Variants in IPO11 observed in about 807,000 individuals in gnomAD.
The protein encoded by IPO11 is importin-11.
Under a neutral mutation model 143.2 loss-of-function variants are expected in IPO11, and 66 were observed. That is an observed-to-expected ratio of 0.46 (90% CI 0.38 to 0.57). IPO11 has a LOEUF of 0.57. Ranked by LOEUF, IPO11 falls within the 20% of genes least tolerant of loss-of-function variation. The probability of loss-of-function intolerance (pLI) is 0.00; values close to 1 mark genes in which losing one functional copy is unlikely to be tolerated. For synonymous variants in IPO11, 385 were observed against 377.8 expected (o/e 1.02, Z -0.22); for missense variants, 1,026 against 1,141.0 (o/e 0.90, Z 1.45).
At chr5:62,511,532 A>G (rs1417790095) in intron 19 of IPO11, among the ~76,000 whole-genome samples, 2 of 152,180 alleles carry the variant, frequency 1.3e-5, no homozygotes, top group African/African-American at 4.8e-5. Flanking sequence ...TATTTGTGCA[A>G]ATATTTAACT....
intron 27 of IPO11, among the ~76,000 whole-genome samples, chr5:62,564,880 A>G (rs576161969): frequency 6.6e-6 from 1 of 152,326 alleles, no homozygotes; most frequent in South Asian, 2.1e-4. Flanking sequence ...CTCAAATCCC[A>G]GGGCCATCAG....
chr5:62,464,361 G>T (rs755059424), intron 5 of IPO11, among the ~76,000 whole-genome samples: 11 of 151,570 alleles, frequency 7.3e-5, no homozygotes, highest in Non-Finnish European at 8.8e-5. Context: ...GGATGGTCTC[G>T]ATCTTTTGAC....
rs764284438 is a variant in IPO11 at position 62,627,186 on chromosome 5, A to C, written c.2796A>C (p.Ser932=). ...TGAAGGACCCTGTTCATACAGTGTC[A>C]CTGCAGCAGTTCATCTACGAGAAGC... ...LALKDPVHTV[S]LQQFIYEKLK... is the part of the protein sequence containing the mutation. Residue 932 remains serine, a synonymous_variant, in exon 30 of 30, where the codon TCA becomes TCC. Coordinates refer to ENST00000325324, the MANE Select transcript of IPO11 (RefSeq NM_016338.5). 6.2e-7 allele frequency: 1 copy of C among 1,614,116 alleles called. No individual in the cohort carries two copies. Among genetic ancestry groups the C allele is most frequent in the Non-Finnish European group, 8.5e-7 (1 of 1,179,974 alleles).
In IPO11 at chr5:62,470,276, T is replaced by C; in HGVS notation, c.676T>C (p.Phe226Leu). The change falls in exon 7 of 30, where the codon TTT becomes CTT. Residue 226 changes from phenylalanine to leucine, a missense_variant. By Grantham distance (22) the Phe-to-Leu change is conservative. Coordinates refer to ENST00000325324, the MANE Select transcript of IPO11 (RefSeq NM_016338.5). ...KVLRKLTVNG[F>L]VEPHKNMEVM... ...GCTGCGTAAGTTAACTGTTAATGGA[T>C]TTGTGGAACCTCATAAGAATATGGA... 9 of 1,613,828 alleles carry C rather than the reference T, an allele frequency of 5.6e-6. No homozygotes were observed. The highest frequency in any genetic ancestry group is 6.8e-6 in the Non-Finnish European group (8 of 1,179,832).
At chr5:62,550,502 A>G (rs1267637380) in intron 25 of IPO11, 40 bp downstream of exon 25, 2 of 1,328,518 alleles carry the variant, frequency 1.5e-6, no homozygotes, top group Non-Finnish European at 2.1e-6. Context: ...GTGTTAGACT[A>G]TAGGATTCTA....
At chr5:62,473,160 G>A (rs1745843761) in intron 7 of IPO11, among the ~76,000 whole-genome samples, 1 of 152,162 alleles carries the variant, frequency 6.6e-6, no homozygotes, top group African/African-American at 2.4e-5. Context: ...CAGTAGTGAA[G>A]TTGTCATCCT....
intron 3 of IPO11, among the ~76,000 whole-genome samples, chr5:62,444,089 G>A (rs1414398044): frequency 6.7e-6 from 1 of 149,798 alleles, no homozygotes; most frequent in Admixed American, 6.8e-5. Context: ...AAGCAGACAT[G>A]TCTTTTTCTT....
intron 5 of IPO11, among the ~76,000 whole-genome samples, chr5:62,459,853 T>C (rs1368299187): frequency 1.3e-5 from 2 of 152,190 alleles, no homozygotes; most frequent in South Asian, 2.1e-4. Context: ...CTGGCCTACT[T>C]AAGCCTTATT....
intron 5 of IPO11, among the ~76,000 whole-genome samples, chr5:62,455,666 C>A (rs1174607161): frequency 1.3e-5 from 2 of 152,112 alleles, no homozygotes; most frequent in Middle Eastern, 3.4e-3. Context: ...AAAATAAGTT[C>A]TTTTGAGGGG....
intron 20 of IPO11, among the ~76,000 whole-genome samples, chr5:62,525,368 T>TTGTG (rs1182823548): frequency 6.7e-6 from 1 of 149,232 alleles, no homozygotes; most frequent in Non-Finnish European, 1.5e-5. Context: ...TTTTTTTTTT[T>TTGTG]TGTGTGTGTG....
At chr5:62,446,340 G>A (rs1744721057) in intron 3 of IPO11, among the ~76,000 whole-genome samples, 1 of 152,166 alleles carries the variant, frequency 6.6e-6, no homozygotes, top group Non-Finnish European at 1.5e-5. Context: ...ATAGTCACAT[G>A]TGTGTTCAAC....
At chr5:62,553,587 A>C (rs1743468085) in intron 26 of IPO11, among the ~76,000 whole-genome samples, 1 of 151,502 alleles carries the variant, frequency 6.6e-6, no homozygotes, top group Admixed American at 6.6e-5. Flanking sequence ...CATAATGGCT[A>C]CACTAGTTTA....
intron 29 of IPO11, among the ~76,000 whole-genome samples, chr5:62,613,685 CA>C (rs1746016150): frequency 6.6e-6 from 1 of 152,010 alleles, no homozygotes; most frequent in African/African-American, 2.4e-5. Context: ...TGAAACTGGG[CA>C]AATTTGCTGA....
intron 24 of IPO11, among the ~76,000 whole-genome samples, chr5:62,538,211 A>G (rs1325499672): frequency 6.6e-6 from 1 of 151,672 alleles, no homozygotes; most frequent in Non-Finnish European, 1.5e-5. Flanking sequence ...GAGGTTACCC[A>G]AAGAGGTTTG....
chr5:62,424,027 T>C (rs1431579698), intron 1 of IPO11, among the ~76,000 whole-genome samples: 1 of 152,014 alleles, frequency 6.6e-6, no homozygotes, highest in Non-Finnish European at 1.5e-5. Context: ...TAGATCATGA[T>C]TTTTTTTCTG....
intron 1 of IPO11, 83 bp from the exon 2 acceptor site, chr5:62,437,191 A>G: frequency 8.8e-7 from 1 of 1,132,162 alleles, no homozygotes; most frequent in East Asian, 2.6e-5. Flanking sequence ...CAGAACATGA[A>G]AGCTTTTTGT....
At chr5:62,506,032 G>A (rs1165156080) in intron 18 of IPO11, among the ~76,000 whole-genome samples, 1 of 152,052 alleles carries the variant, frequency 6.6e-6, no homozygotes, top group Non-Finnish European at 1.5e-5. Context: ...GACACATTCA[G>A]CAGCAATGAA....
intron 1 of IPO11, among the ~76,000 whole-genome samples, chr5:62,423,815 A>G (rs550612589): frequency 6.6e-6 from 1 of 152,220 alleles, no homozygotes; most frequent in South Asian, 2.1e-4. Context: ...GTTTTCTAAT[A>G]TACTCACTTT....
intron 19 of IPO11, among the ~76,000 whole-genome samples, chr5:62,513,613 C>T (rs1321075292): frequency 6.9e-6 from 1 of 144,724 alleles, no homozygotes; most frequent in African/African-American, 2.6e-5. Context: ...CAGAGGGACT[C>T]CTCACTTCCC....
Sources: gnomAD v4.1 joint callset for allele counts (sites outside exome capture counted in the v4.1 genomes callset) on GRCh38, gnomAD v4.1.1 for gene constraint, MANE v1.5 for transcripts, NCBI Gene and HGNC (gene_info 2026-07-23, HGNC 2026-07-21) for gene names.